FZD3: variants seen among roughly 807,000 people sequenced by gnomAD.
FZD3 encodes frizzled class receptor 3, also known as frizzled-3.
In FZD3, 30 loss-of-function variants were observed where a neutral mutation model predicts 60.7. That is an observed-to-expected ratio of 0.49 (90% CI 0.37 to 0.67). The LOEUF (loss-of-function observed/expected upper bound fraction) is 0.67. FZD3 is among the 30% of genes least tolerant of loss of function. FZD3 has a pLI of 0.00. For missense variants in FZD3, 605 were observed against 838.7 expected, an observed-to-expected ratio of 0.72 and a Z score of 3.44; for synonymous variants, 246 against 275.2, an observed-to-expected ratio of 0.89 and a Z score of 1.05.
In FZD3 at chr8:28,567,699, C is replaced by T. The variant is rs1395959412; in HGVS notation, c.*4688C>T. The T allele has an allele frequency of 6.6e-6, 1 of 152,148 alleles. No individual in the cohort carries two copies. The highest frequency in any genetic ancestry group is 1.5e-5 in the Non-Finnish European group (1 of 68,022). 9.4% of individuals were successfully genotyped at this position (152,148 alleles called of 1,614,324 possible). A position where few individuals can be genotyped will look rare whatever the true frequency, so the allele number is the denominator to read the frequency against. On this transcript the variant is annotated 3_prime_UTR_variant, in exon 8 of 8. Coordinates refer to ENST00000240093, the MANE Select transcript of FZD3 (RefSeq NM_017412.4). Reference sequence around the variant, plus strand: ...CAATTAGACCAGTGTTCATTTGGTACAGTCTTTAAATCGGTCATCCAATTA... The same window carrying T: ...CAATTAGACCAGTGTTCATTTGGTATAGTCTTTAAATCGGTCATCCAATTA...
chr8:28,530,135 G>A (rs190785398), intron 5 of FZD3, among the ~76,000 whole-genome samples: 3,243 of 128,110 alleles, frequency 0.025, 110 homozygotes, highest in African/African-American at 0.091. Context: ...GTGTGTGTGT[G>A]TGTGTGTTGG....
At chr8:28,498,278 C>A (rs998772280) in intron 1 of FZD3, among the ~76,000 whole-genome samples, 2 of 148,070 alleles carry the variant, frequency 1.4e-5, no homozygotes, top group Non-Finnish European at 3.0e-5. Context: ...TCTAATAGGT[C>A]CCCCCCCTTT....
At chr8:28,494,683 C>G (rs1424049204) in intron 1 of FZD3, among the ~76,000 whole-genome samples, 1 of 152,052 alleles carries the variant, frequency 6.6e-6, no homozygotes, top group Non-Finnish European at 1.5e-5. Flanking sequence ...CCGCCCTGAG[C>G]CCGCGGCTCG....
rs1225397529 is a variant in FZD3 at position 28,527,942 on chromosome 8, T to C, written c.1182T>C (p.Ile394=). ...VVGVSLLLAG[I]ISLNRVRIEI... is the part of the protein sequence containing the mutation. ...GGGTTTCTCTCCTCTTAGCTGGCAT[T>C]ATATCCCTAAACAGAGTTCGAATTG... The change falls in exon 5 of 8, where the codon ATT becomes ATC. Residue 394 remains isoleucine, a synonymous_variant. Coordinates refer to ENST00000240093, the MANE Select transcript of FZD3 (RefSeq NM_017412.4). This position sits in a 1 kb window ranked among gnomAD's most constrained non-coding sequence, Gnocchi z 5.0. 1.2e-6 allele frequency: 2 copies of C among 1,614,028 alleles called. No homozygotes were observed. Among genetic ancestry groups the C allele is most frequent in the Non-Finnish European group, 8.5e-7 (1 of 1,179,872 alleles).
chr8:28,551,381 G>C (rs116273958), intron 5 of FZD3, among the ~76,000 whole-genome samples: 3,059 of 152,222 alleles, frequency 0.02, 65 homozygotes, highest in Middle Eastern at 0.082. Flanking sequence ...GGGCATATTG[G>C]CATATACCTG....
Position 28,567,743 on chromosome 8 carries a change from A to T in FZD3, c.*4732A>T, listed in dbSNP as rs1805729779. ...CCAATTAACCTTTAAAAAGTAGGTT[A>T]TGCTCTTAAATTGTATTGGTTCTTT... On this transcript the variant is annotated 3_prime_UTR_variant, in exon 8 of 8. Transcript: ENST00000240093. The T allele has an allele frequency of 6.6e-6, 1 of 152,222 alleles. No homozygotes were observed. Among genetic ancestry groups the T allele is most frequent in the Non-Finnish European group, 1.5e-5 (1 of 68,034 alleles). The allele number at this position is 152,222 out of a possible 1,614,324, so 9.4% of individuals were successfully genotyped here. A position where few individuals can be genotyped will look rare whatever the true frequency, so the allele number is the denominator to read the frequency against.
intron 3 of FZD3, among the ~76,000 whole-genome samples, chr8:28,513,482 A>C (rs1804342104): frequency 6.6e-6 from 1 of 152,202 alleles, no homozygotes; most frequent in Non-Finnish European, 1.5e-5. Context: ...TTTAAAAATT[A>C]AGGTTTGAAC....
chr8:28,518,571 T>C (rs1056983784), intron 3 of FZD3, among the ~76,000 whole-genome samples: 3 of 152,344 alleles, frequency 2.0e-5, no homozygotes, highest in Non-Finnish European at 2.9e-5. Context: ...TACTCTGTTC[T>C]CTTTCTGCTT....
At chr8:28,525,941 G>A (rs1250533032) in intron 4 of FZD3, among the ~76,000 whole-genome samples, 1 of 152,136 alleles carries the variant, frequency 6.6e-6, no homozygotes, top group African/African-American at 2.4e-5. Context: ...GGACATCAAG[G>A]ATAACCCCAA....
Position 28,528,024 on chromosome 8 carries a change from G to A in FZD3, c.1264G>A (p.Gly422Ser), listed in dbSNP as rs1374167678. The change falls in exon 5 of 8, where the codon GGT (glycine) becomes AGT (serine). Residue 422 changes from glycine (G) to serine (S), a missense_variant. Transcript: ENST00000240093. ...ATTAGTGAAGTTTATGATCCGGATC[G>A]GTGTTTTCAGCATTCTTTATCTCGT... The part of the protein sequence containing the change: ...DKLVKFMIRI[G>S]VFSILYLVPL... 5 of 1,613,868 alleles carry A rather than the reference G, an allele frequency of 3.1e-6. No homozygotes were observed. Among genetic ancestry groups the A allele is most frequent in the South Asian group, 2.2e-5 (2 of 91,068 alleles).
In FZD3 at chr8:28,525,831, AC is replaced by A. The variant is rs1177539430; in HGVS notation, c.387-1314del. The stretch of plus-strand genomic sequence containing the variant: ...GAAATATTTATGGCTCAGACTGGGC[AC>A]CAGCAGGGGAGGAAATGAGAAGAGT... On this transcript the variant is annotated intron_variant, in intron 4 of 7. Coordinates refer to ENST00000240093, the MANE Select transcript of FZD3 (RefSeq NM_017412.4). 3.3e-5 allele frequency among the ~76,000 whole-genome samples: 5 copies of A among 152,316 alleles called. No individual in the cohort carries two copies. In the East Asian group the frequency reaches 9.6e-4, roughly 29 times the overall value.
At chr8:28,560,099 A>G (rs1242504400) in intron 7 of FZD3, among the ~76,000 whole-genome samples, 2 of 152,182 alleles carry the variant, frequency 1.3e-5, no homozygotes, top group Non-Finnish European at 2.9e-5. Flanking sequence ...TAGGGAGTAA[A>G]TAAGGAGGTA....
intron 1 of FZD3, among the ~76,000 whole-genome samples, chr8:28,496,841 G>A (rs1165547732): frequency 2.6e-5 from 4 of 152,156 alleles, no homozygotes; most frequent in African/African-American, 9.7e-5. Context: ...CTGGTCCCCA[G>A]ATTTTATCTC....
intron 5 of FZD3, among the ~76,000 whole-genome samples, chr8:28,544,126 C>T (rs902324878): frequency 2.6e-5 from 4 of 151,998 alleles, no homozygotes; most frequent in African/African-American, 9.6e-5. Context: ...CTGTTAATAT[C>T]TTCTGGGATA....
At chr8:28,556,445 T>C (rs1805509952) in intron 7 of FZD3, among the ~76,000 whole-genome samples, 1 of 152,212 alleles carries the variant, frequency 6.6e-6, no homozygotes, top group South Asian at 2.1e-4. Context: ...TATCTGCCTC[T>C]TTAATAATCT....
At chr8:28,495,847 AC>A (rs966713506) in intron 1 of FZD3, among the ~76,000 whole-genome samples, 6 of 150,836 alleles carry the variant, frequency 4.0e-5, no homozygotes, top group African/African-American at 7.3e-5. Flanking sequence ...CTTCTACCAT[AC>A]CCCCCCACCC....
Position 28,574,042 on chromosome 8 carries a change from G to T in FZD3, c.*11031G>T, listed in dbSNP as rs1052393060. ...GCTGTTGTTGGGATGTACAGGGCAA[G>T]TGCACTTGGTTAGAGCATGAACTGG... is the stretch of plus-strand genomic sequence containing the variant. On this transcript the variant is annotated 3_prime_UTR_variant, in exon 8 of 8. Coordinates refer to ENST00000240093, the MANE Select transcript of FZD3 (RefSeq NM_017412.4). 6.6e-6 allele frequency: 1 copy of T among 152,166 alleles called. No homozygotes were observed. Among genetic ancestry groups the T allele is most frequent in the Non-Finnish European group, 1.5e-5 (1 of 68,012 alleles). The allele number at this position is 152,166 out of a possible 1,614,324, so 9.4% of individuals were successfully genotyped here.
Position 28,572,228 on chromosome 8 carries a change from A to G in FZD3, c.*9217A>G, listed in dbSNP as rs566915823. On this transcript the variant is annotated 3_prime_UTR_variant, in exon 8 of 8. Transcript: ENST00000240093. ...ATACAGCATTATTCTGAACTATCTG[A>G]AATTGCTGGTTTTATTGGTCAAAAA... 9 of 152,290 alleles carry G rather than the reference A, an allele frequency of 5.9e-5. No individual in the cohort carries two copies. Among genetic ancestry groups the G allele is most frequent in the African/African-American group, 1.9e-4 (8 of 41,562 alleles). The allele number at this position is 152,290 out of a possible 1,614,324, so 9.4% of individuals were successfully genotyped here.
chr8:28,553,847 C>T (rs1450722742), intron 6 of FZD3, among the ~76,000 whole-genome samples: 1 of 152,206 alleles, frequency 6.6e-6, no homozygotes, highest in East Asian at 1.9e-4. Flanking sequence ...ATTTATTGGG[C>T]ACATTTAATA....
Sources: gnomAD v4.1 joint callset for allele counts (sites outside exome capture counted in the v4.1 genomes callset) on GRCh38, gnomAD v4.1.1 for gene constraint, Gnocchi (gnomAD v3.1) non-coding constraint, MANE v1.5 for transcripts, NCBI Gene and HGNC (gene_info 2026-07-23, HGNC 2026-07-21) for gene names.